Variants in UBL3 observed in about 807,000 individuals in gnomAD.
UBL3 encodes ubiquitin-like protein 3.
UBL3 carries 6 observed loss-of-function variants against 18.4 expected under a neutral mutation model. The observed-to-expected ratio is 0.33, with a 90% confidence interval of 0.18 to 0.64. The LOEUF is 0.64. UBL3 is among the 30% of genes least tolerant of loss of function. The pLI, the probability that UBL3 is intolerant of heterozygous loss-of-function variation, is 0.76. For missense variants in UBL3, 109 were observed against 142.9 expected (o/e 0.76, Z 1.21); for synonymous variants, 49 against 46.6 (o/e 1.05, Z -0.21).
intron 1 of UBL3, among the ~76,000 whole-genome samples, chr13:29,785,623 T>C (rs1275352057): frequency 6.6e-6 from 1 of 152,222 alleles, no homozygotes; most frequent in African/African-American, 2.4e-5. Flanking sequence ...ATATATTCAT[T>C]TTCCTATGTA....
chr13:29,836,186 G>T (rs1878957671), intron 1 of UBL3, among the ~76,000 whole-genome samples: 1 of 152,108 alleles, frequency 6.6e-6, no homozygotes, highest in Non-Finnish European at 1.5e-5. Flanking sequence ...ATGAGGAAAA[G>T]AGAGGAATCA....
At chr13:29,770,563 G>A (rs1876815083) in intron 3 of UBL3, among the ~76,000 whole-genome samples, 2 of 151,950 alleles carry the variant, frequency 1.3e-5, no homozygotes, top group African/African-American at 4.8e-5. Flanking sequence ...GAATGGAGTT[G>A]GTGGGAAATT....
At chr13:29,835,712 G>A (rs1430211699) in intron 1 of UBL3, among the ~76,000 whole-genome samples, 7 of 130,978 alleles carry the variant, frequency 5.3e-5, no homozygotes, top group African/African-American at 1.2e-4. Flanking sequence ...TTGAGATCGC[G>A]CCACTGCACT....
intron 1 of UBL3, among the ~76,000 whole-genome samples, chr13:29,819,759 G>A (rs1009947251): frequency 2.6e-5 from 4 of 151,952 alleles, no homozygotes; most frequent in Non-Finnish European, 5.9e-5. Context: ...AAATGATTTA[G>A]AAAGAATCCA....
intron 1 of UBL3, among the ~76,000 whole-genome samples, chr13:29,819,004 C>A (rs939604345): frequency 6.6e-6 from 1 of 152,026 alleles, no homozygotes; most frequent in Non-Finnish European, 1.5e-5. Context: ...CTATATATTA[C>A]ATATCTGGGA....
chr13:29,779,605 T>C (rs1353707412), intron 1 of UBL3, among the ~76,000 whole-genome samples: 1 of 152,166 alleles, frequency 6.6e-6, no homozygotes, highest in Non-Finnish European at 1.5e-5. Context: ...TGTCTATCAA[T>C]ATGGAAATGG....
At chr13:29,806,029 T>G (rs955053160) in intron 1 of UBL3, among the ~76,000 whole-genome samples, 1 of 152,022 alleles carries the variant, frequency 6.6e-6, no homozygotes, top group Non-Finnish European at 1.5e-5. Context: ...TACAAAAAAT[T>G]AGCTGGGCAT....
intron 1 of UBL3, among the ~76,000 whole-genome samples, chr13:29,797,901 T>C (rs577478956): frequency 1.1e-3 from 166 of 152,262 alleles, no homozygotes; most frequent in African/African-American, 3.6e-3. Context: ...TATAAACTCT[T>C]CAAGGGGAGG....
At chr13:29,770,201 T>C (rs927691663) in intron 3 of UBL3, among the ~76,000 whole-genome samples, 4 of 152,004 alleles carry the variant, frequency 2.6e-5, no homozygotes, top group South Asian at 4.1e-4. Flanking sequence ...ATTATTCACA[T>C]TGAAGAACAC....
Position 29,849,765 on chromosome 13 carries a change from G to A in UBL3, c.-227C>T, listed in dbSNP as rs1879322159. The A allele has an allele frequency of 3.3e-6, 2 of 612,774 alleles. No individual in the cohort carries two copies. Among genetic ancestry groups the A allele is most frequent in the Non-Finnish European group, 5.7e-6 (2 of 351,090 alleles). 38.0% of individuals were successfully genotyped at this position (612,774 alleles called of 1,614,324 possible). ...GTGGCCGGAGCAGGAGGAAACTCCC[G>A]GGACAGCAGAGGCAGCCCCCGTCGT... is the stretch of plus-strand genomic sequence containing the variant. On this transcript the variant is annotated 5_prime_UTR_variant, in exon 1 of 5. Transcript: ENST00000380680.
In UBL3 at chr13:29,848,213, A is replaced by T. The variant is rs2139373604; in HGVS notation, c.27+1299T>A. The stretch of plus-strand genomic sequence containing the variant: ...AATCCCAGCACTTTGGGAGGCCAAG[A>T]TGGGTGGATCATCTGAGGTCAGGAG... On this transcript the variant is annotated intron_variant, in intron 1 of 4. Transcript: ENST00000380680. Among the ~76,000 whole-genome samples, 3 of 144,002 alleles carry T rather than the reference A, an allele frequency of 2.1e-5. No individual in the cohort carries two copies. The East Asian group carries it at 6.6e-4, about 31-fold the overall frequency. The allele number at this position is 144,002 out of a possible 152,430, so 94.5% of individuals were successfully genotyped here. A position where few individuals can be genotyped will look rare whatever the true frequency, so the allele number is the denominator to read the frequency against.
Position 29,767,313 on chromosome 13 carries a change from G to C in UBL3, c.302-6C>G. On this transcript the variant is annotated splice_region_variant and splice_polypyrimidine_tract_variant and intron_variant, in intron 4 of 4. Transcript: ENST00000380680. ...CTTCTCACGATTCCTCTGACCTAGGGAAAACGAAGAAGAGCCTCGTTTATA... is the reference window on the plus strand; with the variant it reads ...CTTCTCACGATTCCTCTGACCTAGGCAAAACGAAGAAGAGCCTCGTTTATA... 1 of 1,613,052 alleles carries C rather than the reference G, an allele frequency of 6.2e-7. No homozygotes were observed. Among genetic ancestry groups the C allele is most frequent in the Non-Finnish European group, 8.5e-7 (1 of 1,179,306 alleles).
intron 1 of UBL3, among the ~76,000 whole-genome samples, chr13:29,780,353 C>CAAA (rs71746248): frequency 0.027 from 228 of 8,396 alleles, 13 homozygotes; most frequent in African/African-American, 0.046. Context: ...GACTCTGTCT[C>CAAA]AAAAAAAAAA....
chr13:29,830,324 G>A (rs992015434), intron 1 of UBL3, among the ~76,000 whole-genome samples: 3 of 152,186 alleles, frequency 2.0e-5, no homozygotes, highest in African/African-American at 7.2e-5. Context: ...GCAATCTGCA[G>A]TACATACAAC....
In UBL3 at chr13:29,765,175, T is replaced by G. The variant is rs1417188024; in HGVS notation, c.*2080A>C. 1.3e-5 allele frequency: 2 copies of G among 152,128 alleles called. No homozygotes were observed. The highest frequency in any genetic ancestry group is 2.4e-5 in the African/African-American group (1 of 41,446). 9.4% of individuals were successfully genotyped at this position (152,128 alleles called of 1,614,324 possible). A position where few individuals can be genotyped will look rare whatever the true frequency, so the allele number is the denominator to read the frequency against. Reference sequence around the variant, plus strand: ...TTTAACCATCATAAAAACTCAATCTTAATTAACTGATAGTCTTTAACTTAA... The same window carrying G: ...TTTAACCATCATAAAAACTCAATCTGAATTAACTGATAGTCTTTAACTTAA... On this transcript the variant is annotated 3_prime_UTR_variant, in exon 5 of 5. Transcript: ENST00000380680.
intron 1 of UBL3, among the ~76,000 whole-genome samples, chr13:29,835,171 T>TATAA (rs1878927102): frequency 1.5e-5 from 1 of 68,364 alleles, no homozygotes; most frequent in Non-Finnish European, 2.7e-5. Context: ...TATATATATA[T>TATAA]ATATATATAT....
At position 29,764,751 on chromosome 13, in the gene UBL3, T is replaced by G. The variant is rs1324593992; in HGVS notation, c.*2504A>C. On this transcript the variant is annotated 3_prime_UTR_variant, in exon 5 of 5. Coordinates refer to ENST00000380680, the MANE Select transcript of UBL3 (RefSeq NM_007106.4). ...AGCGTTAGGCAGGGACATAGGCTCA[T>G]CATTCAGGCTTTATGTACATTACTG... 1 of 152,188 alleles carries G rather than the reference T, an allele frequency of 6.6e-6. No individual in the cohort carries two copies. Among genetic ancestry groups the G allele is most frequent in the Admixed American group, 6.5e-5 (1 of 15,278 alleles). The allele number at this position is 152,188 out of a possible 1,614,324, so 9.4% of individuals were successfully genotyped here. A position where few individuals can be genotyped will look rare whatever the true frequency, so the allele number is the denominator to read the frequency against.
chr13:29,831,679 A>T (rs772032492), intron 1 of UBL3, among the ~76,000 whole-genome samples: 7 of 151,952 alleles, frequency 4.6e-5, no homozygotes, highest in Non-Finnish European at 8.8e-5. Flanking sequence ...AAGTTAAAAG[A>T]AAGGCTGATG....
At chr13:29,815,529 C>T (rs1208102450) in intron 1 of UBL3, among the ~76,000 whole-genome samples, 1 of 152,126 alleles carries the variant, frequency 6.6e-6, no homozygotes, top group Non-Finnish European at 1.5e-5. Flanking sequence ...TAACCCACAG[C>T]TAAACTAAAC....
Sources: gnomAD v4.1 joint callset for allele counts (sites outside exome capture counted in the v4.1 genomes callset) on GRCh38, gnomAD v4.1.1 for gene constraint, MANE v1.5 for transcripts, NCBI Gene and HGNC (gene_info 2026-07-23, HGNC 2026-07-21) for gene names.